Variants in NOS2 observed in about 807,000 individuals in gnomAD.
NOS2 encodes nitric oxide synthase 2, also known as nitric oxide synthase, inducible.
In NOS2, 96 loss-of-function variants were observed where a neutral mutation model predicts 136.0. The observed-to-expected ratio is 0.71, with a 90% CI of 0.60 to 0.84. The LOEUF (loss-of-function observed/expected upper bound fraction) is 0.84, where lower values mean the gene tolerates loss of function less well. Among genes scored for constraint, NOS2 ranks in the 40% least tolerant of loss-of-function variants. The probability of loss-of-function intolerance (pLI) is 0.00; values close to 1 mark genes in which losing one functional copy is unlikely to be tolerated. For missense variants in NOS2, 1,237 were observed against 1,496.9 expected (o/e 0.83, Z 2.87); for synonymous variants, 539 against 587.5 (o/e 0.92, Z 1.20).
Position 27,767,621 on chromosome 17 carries a change from A to C in NOS2, c.2167+84T>G, listed in dbSNP as rs1908346765. On this transcript the variant is annotated intron_variant, in intron 18 of 26. Coordinates refer to ENST00000313735, the MANE Select transcript of NOS2 (RefSeq NM_000625.4). The stretch of plus-strand genomic sequence containing the variant: ...CCGAGGCCAGCTGTCTCTGTTCAGA[A>C]AGACCTGGGGGTCTCCTTGACCATG... 3 of 1,498,682 alleles carry C rather than the reference A, an allele frequency of 2.0e-6. No individual in the cohort carries two copies. The African/African-American group carries it at 4.2e-5, about 21-fold the overall frequency. 92.8% of individuals were successfully genotyped at this position (1,498,682 alleles called of 1,614,324 possible).
chr17:27,758,880 C>A lies in NOS2; in HGVS notation c.3354+1G>T. On this transcript the variant is annotated splice_donor_variant, in intron 26 of 26. Transcript: ENST00000313735. LOFTEE classifies it high-confidence loss of function. ...TTCAGCCCACACACCCACTACTATA[C>A]CTTGAGCTGAAAGAAATAGTCCTCG... is the stretch of plus-strand genomic sequence containing the variant. 1 of 1,577,696 alleles carries A rather than the reference C, an allele frequency of 6.3e-7. No homozygotes were observed. Among genetic ancestry groups the A allele is most frequent in the Non-Finnish European group, 8.6e-7 (1 of 1,161,618 alleles).
At chr17:27,771,742 G>A (rs536541363) in intron 14 of NOS2, among the ~76,000 whole-genome samples, 132 of 152,282 alleles carry the variant, frequency 8.7e-4, no homozygotes, top group African/African-American at 3.0e-3. Context: ...TGGCATTGAC[G>A]CCTGCTTTGC....
At chr17:27,799,804 A>G (rs1281296168) in intron 1 of NOS2, among the ~76,000 whole-genome samples, 1 of 150,206 alleles carries the variant, frequency 6.7e-6, no homozygotes, top group Non-Finnish European at 1.5e-5. Context: ...AAAAAAAAAG[A>G]AAGAAAGGGA....
At chr17:27,777,485 T>C (rs11080344) in intron 11 of NOS2, among the ~76,000 whole-genome samples, 86,050 of 152,096 alleles carry the variant, frequency 0.57, 25,840 homozygotes, top group African/African-American at 0.77. Context: ...TGGAGGTTGT[T>C]ATCCTCGCAC....
At chr17:27,791,769 G>GAAAAAA (rs869055216) in intron 2 of NOS2, among the ~76,000 whole-genome samples, 63 of 110,986 alleles carry the variant, frequency 5.7e-4, no homozygotes, top group African/African-American at 1.9e-3. Context: ...TGGCCTGCCA[G>GAAAAAA]AAAAAAACAA....
rs543883877 is a variant in NOS2, at chr17:27,778,597, G to T, written c.1281+93C>A. ...TTGCTGGACCTCTAGAGTGAGCAAGGGGGCTTACTTATAAATTAAGCATCA... is the reference window on the plus strand; with the variant it reads ...TTGCTGGACCTCTAGAGTGAGCAAGTGGGCTTACTTATAAATTAAGCATCA... On this transcript the variant is annotated intron_variant, in intron 11 of 26. Coordinates refer to ENST00000313735, the MANE Select transcript of NOS2 (RefSeq NM_000625.4). 3.0e-6 allele frequency: 3 copies of T among 999,408 alleles called. No homozygotes were observed. The East Asian group carries it at 7.2e-5, about 24-fold the overall frequency. The allele number at this position is 999,408 out of a possible 1,614,324, so 61.9% of individuals were successfully genotyped here.
At position 27,780,853 on chromosome 17, in the gene NOS2, G is replaced by C. The variant is rs1420429277; in HGVS notation, c.918C>G (p.Pro306=). ...CACGGCCATTGGCCTGCAGGACCAG[G>C]GGGACCACATCGAAGCGGCCGTACT... The part of the protein sequence containing the change: ...KPKYGRFDVV[P]LVLQANGRDP... The change falls in exon 9 of 27, where the codon CCC becomes CCG. Residue 306 remains proline (P), a synonymous_variant. Coordinates refer to ENST00000313735, the MANE Select transcript of NOS2 (RefSeq NM_000625.4). The C allele has an allele frequency of 6.2e-7, 1 of 1,614,174 alleles. No individual in the cohort carries two copies. The highest frequency in any genetic ancestry group is 1.3e-5 in the African/African-American group (1 of 75,064).
Position 27,774,188 on chromosome 17 carries a change from G to GCA in NOS2, c.1476+67_1476+68dup, listed in dbSNP as rs66764731. On this transcript the variant is annotated intron_variant, in intron 12 of 26. Transcript: ENST00000313735. ...TGCCCTACATGTGTAACAATGAGGT[G>GCA]CACACACACACACACACATACAGCC... 0.074 allele frequency: 79,728 copies of GCA among 1,080,348 alleles called. 1,749 individuals carry two copies. Among genetic ancestry groups the GCA allele is most frequent in the East Asian group, 0.24 (7,382 of 30,352 alleles). The allele number at this position is 1,080,348 out of a possible 1,614,324, so 66.9% of individuals were successfully genotyped here.
rs150296967 is a variant in NOS2, at chr17:27,779,982, C to T, written c.1004+785G>A. On this transcript the variant is annotated intron_variant, in intron 9 of 26. Transcript: ENST00000313735. ...TTGTGAACAGAAAAGAAAAGATCTC[C>T]ACCCTCAAGGAACTTGTAGTCTAAT... 4.4e-3 allele frequency among the ~76,000 whole-genome samples: 669 copies of T among 152,314 alleles called. 4 individuals carry two copies. Among genetic ancestry groups the T allele is most frequent in the African/African-American group, 0.015 (644 of 41,576 alleles).
intron 1 of NOS2, among the ~76,000 whole-genome samples, chr17:27,799,261 G>A (rs1909455538): frequency 6.6e-6 from 1 of 152,158 alleles, no homozygotes; most frequent in Admixed American, 6.5e-5. Flanking sequence ...GGGTGCCTTT[G>A]CCTGACCCTG....
In NOS2 at chr17:27,772,364, A is replaced by C; in HGVS notation, c.1648T>G (p.Ser550Ala). Reference protein sequence around the residue: ...TILFATETGKSEALAWDLGAL... With the variant: ...TILFATETGKAEALAWDLGAL... The stretch of plus-strand genomic sequence containing the variant: ...CCCAGGTCCCAGGCCAGCGCCTCTG[A>C]TTTTCCTGTCTCTGTCGCAAAGAGG... The change falls in exon 14 of 27, where the codon TCA becomes GCA. Residue 550 changes from serine to alanine, a missense_variant. Around this residue, in one of 3 missense-constraint regions of NOS2, gnomAD observed 782 missense variants for 909.9 expected, o/e 0.86. Coordinates refer to ENST00000313735, the MANE Select transcript of NOS2 (RefSeq NM_000625.4). 6.2e-7 allele frequency: 1 copy of C among 1,614,080 alleles called. No homozygotes were observed. Among genetic ancestry groups the C allele is most frequent in the Non-Finnish European group, 8.5e-7 (1 of 1,180,038 alleles).
chr17:27,796,051 G>A (rs1047388222), intron 2 of NOS2, among the ~76,000 whole-genome samples: 20 of 152,200 alleles, frequency 1.3e-4, no homozygotes, highest in Admixed American at 7.2e-4. Flanking sequence ...AGGGTGATCC[G>A]GAAAGACAGC....
Position 27,769,936 on chromosome 17 carries a change from GCAA to G in NOS2, c.1810-355_1810-353del, listed in dbSNP as rs1329385625. ...TGATTCTGTTTGGAACCCGGTAGAA[GCAA>G]CAACAATTGGTCCTACAGTCTCTGA... On this transcript the variant is annotated intron_variant, in intron 15 of 26. Coordinates refer to ENST00000313735, the MANE Select transcript of NOS2 (RefSeq NM_000625.4). Among the ~76,000 whole-genome samples the G allele has an allele frequency of 8.5e-5, 13 of 152,280 alleles. No homozygotes were observed. The East Asian group carries it at 1.5e-3, about 18-fold the overall frequency.
chr17:27,772,337 C>A lies in NOS2; in HGVS notation c.1675G>T (p.Ala559Ser), dbSNP rs149150822. ...GGGTTGAAGGCACAGCTGAATAAGGCCCCCAGGTCCCAGGCCAGCGCCTCT... is the reference window on the plus strand; with the variant it reads ...GGGTTGAAGGCACAGCTGAATAAGGACCCCAGGTCCCAGGCCAGCGCCTCT... Reference protein sequence around the residue: ...KSEALAWDLGALFSCAFNPKV... With the variant: ...KSEALAWDLGSLFSCAFNPKV... The change falls in exon 14 of 27, where the codon GCC becomes TCC. Residue 559 changes from alanine to serine, a missense_variant. Coordinates refer to ENST00000313735, the MANE Select transcript of NOS2 (RefSeq NM_000625.4). 9.3e-5 allele frequency: 150 copies of A among 1,614,122 alleles called. No individual in the cohort carries two copies. The African/African-American group carries it at 1.5e-3, about 16-fold the overall frequency.
intron 8 of NOS2, 25 bp from the exon 9 acceptor site, chr17:27,780,931 AGTCT>A (rs1333597684): frequency 6.2e-7 from 1 of 1,604,712 alleles, no homozygotes; most frequent in African/African-American, 1.3e-5. Context: ...GGGCCCTGTG[AGTCT>A]GTAAGCCCGG....
intron 2 of NOS2, among the ~76,000 whole-genome samples, chr17:27,798,342 A>G (rs1028771251): frequency 7.9e-5 from 12 of 152,150 alleles, no homozygotes; most frequent in African/African-American, 2.9e-4. Flanking sequence ...ATTGGAATGG[A>G]CGCAGGCCAG....
intron 5 of NOS2, 97 bp downstream of exon 5, chr17:27,787,581 A>G: frequency 1.0e-6 from 1 of 966,544 alleles, no homozygotes; most frequent in South Asian, 1.9e-5. Context: ...AAATCTGGAA[A>G]GAAAAGGGAT....
chr17:27,798,804 G>C lies in NOS2; in HGVS notation c.6C>G (p.Ala2=), dbSNP rs770860398. 1.2e-6 allele frequency: 2 copies of C among 1,604,186 alleles called. No individual in the cohort carries two copies. Among genetic ancestry groups the C allele is most frequent in the Admixed American group, 3.3e-5 (2 of 60,016 alleles). ...TCTTGAACAGAAATTTCCAAGGACA[G>C]GCCATCTCTATGGCTTTACAAAGCA... M[A]CPWKFLFKTK... The change falls in exon 2 of 27, where the codon GCC becomes GCG. Residue 2 remains alanine (A), a synonymous_variant. Transcript: ENST00000313735.
At chr17:27,779,288 CTTATTATTATTATTATTATTATTA>C (rs140152355) in intron 9 of NOS2, among the ~76,000 whole-genome samples, 3 of 139,472 alleles carry the variant, frequency 2.2e-5, no homozygotes, top group Admixed American at 7.2e-5. Context: ...AATTTTTTTC[CTTATTATTATTATTATTATTATTA>C]TTATTATTAT....
Sources: gnomAD v4.1 joint callset for allele counts (sites outside exome capture counted in the v4.1 genomes callset) on GRCh38, gnomAD v4.1.1 for gene constraint, gnomAD v4.1.1 regional missense constraint, MANE v1.5 for transcripts, NCBI Gene and HGNC (gene_info 2026-07-23, HGNC 2026-07-21) for gene names.